The following PFKFB3 variants were observed in gnomAD, a reference collection of about 807,000 sequenced individuals.
PFKFB3 encodes the protein 6-phosphofructo-2-kinase/fructose-2,6-biphosphatase 3.
A neutral mutation model predicts 68.0 loss-of-function variants in PFKFB3; 33 were observed. The observed-to-expected ratio is 0.49, with a 90% confidence interval of 0.37 to 0.65. PFKFB3 has a LOEUF of 0.65. Ranked by LOEUF, PFKFB3 falls within the 30% of genes least tolerant of loss-of-function variation. The pLI is 0.00. For missense variants in PFKFB3, 586 were observed against 712.2 expected, an observed-to-expected ratio of 0.82 and a Z score of 2.02; for synonymous variants, 315 against 288.2, an observed-to-expected ratio of 1.09 and a Z score of -0.94.
intron 1 of PFKFB3, among the ~76,000 whole-genome samples, chr10:6,161,124 C>T (rs1027877251): frequency 1.3e-5 from 2 of 151,924 alleles, no homozygotes; most frequent in Admixed American, 6.6e-5. Flanking sequence ...TTAGTAGAGA[C>T]GGGGTTTCAC....
intron 1 of PFKFB3, among the ~76,000 whole-genome samples, chr10:6,163,548 C>T (rs1385283584): frequency 6.6e-6 from 1 of 152,136 alleles, no homozygotes; most frequent in East Asian, 1.9e-4. Flanking sequence ...GGGACATCAG[C>T]TCCCGGGAGC....
chr10:6,244,119 G>T (rs1410196755), intron 14 of PFKFB3, among the ~76,000 whole-genome samples: 1 of 152,176 alleles, frequency 6.6e-6, no homozygotes, highest in African/African-American at 2.4e-5. Flanking sequence ...AGCCTCTCCA[G>T]TGTTGGGATT....
intron 1 of PFKFB3, among the ~76,000 whole-genome samples, chr10:6,176,802 T>C (rs1425473239): frequency 6.6e-6 from 1 of 152,216 alleles, no homozygotes; most frequent in African/African-American, 2.4e-5. Context: ...TGTCTCCGGT[T>C]CCACTTTCTG....
chr10:6,162,473 C>T (rs773309661), intron 1 of PFKFB3, among the ~76,000 whole-genome samples: 1 of 152,112 alleles, frequency 6.6e-6, no homozygotes, highest in Non-Finnish European at 1.5e-5. Context: ...TCAGAGTGTC[C>T]GTAAAATGGC....
At chr10:6,303,344 A>C in the PFKFB3 span, among the ~76,000 whole-genome samples, 64 of 152,370 alleles carry the variant, frequency 4.2e-4, 1 homozygote, top group East Asian at 0.012. Flanking sequence ...TCTAATAAAA[A>C]TATGAGCACA....
At chr10:6,204,147 G>T (rs1036962080) in intron 1 of PFKFB3, among the ~76,000 whole-genome samples, 4 of 152,260 alleles carry the variant, frequency 2.6e-5, no homozygotes, top group African/African-American at 4.8e-5. Context: ...ACCAGCGATC[G>T]CTTGGGAGAG....
chr10:6,231,123 G>T (rs1386389659), intron 14 of PFKFB3: 1 of 693,070 alleles, frequency 1.4e-6, no homozygotes, highest in Non-Finnish European at 2.5e-6. Flanking sequence ...GGCTGCTTGG[G>T]ATCGAGAGAT....
rs375910587 is a variant in PFKFB3, at chr10:6,182,915, C to T, written c.17-30708C>T. On this transcript the variant is annotated intron_variant, in intron 1 of 14. Coordinates refer to the PFKFB3 transcript ENST00000379789. ...GGTCTTCACTTGCTTCACAGAGGGT[C>T]AGCTGGAAGGACTATGGGGCCCCAC... Among the ~76,000 whole-genome samples the T allele has an allele frequency of 1.2e-4, 19 of 152,294 alleles. No individual in the cohort carries two copies. In the East Asian group the frequency reaches 2.9e-3, roughly 23 times the overall value.
intron 1 of PFKFB3, among the ~76,000 whole-genome samples, chr10:6,188,375 A>G (rs900803707): frequency 6.6e-6 from 1 of 151,266 alleles, no homozygotes; most frequent in South Asian, 2.1e-4. Context: ...CCAGGCTCAC[A>G]AGCCTTTCAT....
At chr10:6,293,246 A>G in the PFKFB3 span, 2 of 454,348 alleles carry the variant, frequency 4.4e-6, no homozygotes, top group East Asian at 1.2e-4. Flanking sequence ...AGAGTCCTTC[A>G]GTCCAGTGAC....
At chr10:6,198,553 G>T (rs1198175305), upstream of PFKFB3, among the ~76,000 whole-genome samples, 1 of 152,224 alleles carries the variant, frequency 6.6e-6, no homozygotes, top group Non-Finnish European at 1.5e-5. Flanking sequence ...CACAATCTTG[G>T]CTCACTGCAA....
intron 1 of PFKFB3, among the ~76,000 whole-genome samples, chr10:6,169,205 G>A (rs974308378): frequency 2.6e-5 from 4 of 152,206 alleles, no homozygotes; most frequent in Admixed American, 2.0e-4. Context: ...GCCTCCCAAA[G>A]TGCTGGGATT....
chr10:6,324,027 T>A, the PFKFB3 span, among the ~76,000 whole-genome samples: 1 of 152,162 alleles, frequency 6.6e-6, no homozygotes, highest in Non-Finnish European at 1.5e-5. Flanking sequence ...TATAGATGTG[T>A]TATTCATAAT....
the PFKFB3 span, among the ~76,000 whole-genome samples, chr10:6,311,920 C>G: frequency 3.1e-4 from 47 of 152,176 alleles, no homozygotes; most frequent in African/African-American, 1.1e-3. Flanking sequence ...GCTGCAATGT[C>G]AAACCAGGTC....
chr10:6,283,111 G>A, the PFKFB3 span, among the ~76,000 whole-genome samples: 70 of 152,240 alleles, frequency 4.6e-4, no homozygotes, highest in Middle Eastern at 3.4e-3. Context: ...GATTACAGAC[G>A]CCTGCCACCA....
At chr10:6,181,436 C>T (rs898219766) in intron 1 of PFKFB3, among the ~76,000 whole-genome samples, 15 of 152,304 alleles carry the variant, frequency 9.8e-5, no homozygotes, top group African/African-American at 3.6e-4. Context: ...GAATATTATG[C>T]AGCCTTAAAC....
At chr10:6,223,690 C>G (rs1845125000) in intron 11 of PFKFB3, among the ~76,000 whole-genome samples, 1 of 152,192 alleles carries the variant, frequency 6.6e-6, no homozygotes, top group Admixed American at 6.5e-5. Context: ...TGCATGCACT[C>G]ACTGCAACCT....
intron 1 of PFKFB3, among the ~76,000 whole-genome samples, chr10:6,173,275 A>G (rs775693285): frequency 6.6e-6 from 1 of 152,108 alleles, no homozygotes; most frequent in Non-Finnish European, 1.5e-5. Context: ...GTTTGCCAGC[A>G]GCCCACAAGA....
At chr10:6,320,411 G>A in the PFKFB3 span, among the ~76,000 whole-genome samples, 5 of 151,914 alleles carry the variant, frequency 3.3e-5, no homozygotes, top group African/African-American at 2.4e-5. Flanking sequence ...TGACCTTCAA[G>A]GTAGCAGCAG....
Sources: allele counts gnomAD v4.1 joint callset (sites outside exome capture counted in the v4.1 genomes callset), GRCh38; gene constraint gnomAD v4.1.1; transcripts MANE v1.5; gene names NCBI Gene and HGNC (gene_info 2026-07-23, HGNC 2026-07-21).